The following GPSM1 variants were observed in gnomAD, a reference collection of about 807,000 sequenced individuals.
The protein encoded by GPSM1 is G protein signaling modulator 1.
Under a neutral mutation model 70.5 loss-of-function variants are expected in GPSM1, and 48 were observed. That is an observed-to-expected ratio of 0.68 (90% confidence interval 0.54 to 0.87). The LOEUF is 0.87. Among genes scored for constraint, GPSM1 ranks in the 40% least tolerant of loss-of-function variants. The pLI is 0.00. For missense variants in GPSM1, 981 were observed against 972.6 expected, an observed-to-expected ratio of 1.01 and a Z score of -0.11; for synonymous variants, 416 against 430.1, an observed-to-expected ratio of 0.97 and a Z score of 0.41.
intron 12 of GPSM1, 71 bp from the exon 13 acceptor site, chr9:136,356,271 T>C (rs1832819533): frequency 8.3e-7 from 1 of 1,198,490 alleles, no homozygotes; most frequent in African/African-American, 1.5e-5. Context: ...CAGAGCTCAC[T>C]GTGGCCGCAG....
At chr9:136,330,509 G>A (rs1479098040) in intron 1 of GPSM1, among the ~76,000 whole-genome samples, 3 of 152,194 alleles carry the variant, frequency 2.0e-5, no homozygotes, top group Non-Finnish European at 4.4e-5. Context: ...CCCCTCTCCA[G>A]TGATTCCAGC....
At chr9:136,339,195 T>C (rs1389549677) in intron 7 of GPSM1, among the ~76,000 whole-genome samples, 10 of 152,374 alleles carry the variant, frequency 6.6e-5, no homozygotes, top group Admixed American at 2.0e-4. Flanking sequence ...GAGAATGTTC[T>C]GGAATAGACA....
Position 136,352,269 on chromosome 9 carries a change from G to GCTGTTGGTGACACCGATGCTGCGCCGTTA in GPSM1, c.1455+2534_1455+2535insACTGTTGGTGACACCGATGCTGCGCCGTT, listed in dbSNP as rs1564355432. 3.1e-5 allele frequency among the ~76,000 whole-genome samples: 4 copies of GCTGTTGGTGACACCGATGCTGCGCCGTTA among 129,460 alleles called. 1 individual carries two copies. The highest frequency in any genetic ancestry group is 7.7e-5 in the Admixed American group (1 of 13,022). The allele number at this position is 129,460 out of a possible 152,430, so 84.9% of individuals were successfully genotyped here. A position where few individuals can be genotyped will look rare whatever the true frequency, so the allele number is the denominator to read the frequency against. ...TTGGTGACACCGATGCTGCGCCGTT[G>GCTGTTGGTGACACCGATGCTGCGCCGTTA]CTGTTGGTGACACCGATGCTGCGCC... is the stretch of plus-strand genomic sequence containing the variant. On this transcript the variant is annotated intron_variant, in intron 11 of 13. Coordinates refer to ENST00000440944, the MANE Select transcript of GPSM1 (RefSeq NM_001145638.3).
intron 3 of GPSM1, among the ~76,000 whole-genome samples, chr9:136,336,623 C>T (rs1356254961): frequency 6.6e-6 from 1 of 152,228 alleles, no homozygotes; most frequent in Non-Finnish European, 1.5e-5. Context: ...CTTGAGGCCG[C>T]AGCATCTGGT....
chr9:136,348,794 C>A, intron 10 of GPSM1, 27 bp downstream of exon 10: 1 of 1,563,504 alleles, frequency 6.4e-7, no homozygotes, highest in Non-Finnish European at 8.8e-7. Context: ...GGACCGATGT[C>A]AGCACAGCCG....
rs1489276962 is a variant in GPSM1, at chr9:136,327,638, G to T, written c.-58G>T. The T allele has an allele frequency of 4.5e-6, 2 of 446,656 alleles. No homozygotes were observed. The highest frequency in any genetic ancestry group is 9.6e-5 in the South Asian group (1 of 10,452). The allele number at this position is 446,656 out of a possible 1,614,324, so 27.7% of individuals were successfully genotyped here. A position where few individuals can be genotyped will look rare whatever the true frequency, so the allele number is the denominator to read the frequency against. ...CAGGGAGGACAGCAGGGCGGGCAGG[G>T]GGCGGACGGCCACGGCGCGGGGGGC... On this transcript the variant is annotated 5_prime_UTR_variant, in exon 1 of 14. Coordinates refer to ENST00000440944, the MANE Select transcript of GPSM1 (RefSeq NM_001145638.3).
intron 1 of GPSM1, among the ~76,000 whole-genome samples, chr9:136,330,922 G>A: frequency 6.6e-6 from 1 of 152,312 alleles, no homozygotes; most frequent in Middle Eastern, 3.4e-3. Flanking sequence ...CCTGAAGGTG[G>A]ACAAATGGTC....
chr9:136,334,225 G>A (rs141996916), intron 1 of GPSM1, among the ~76,000 whole-genome samples: 90 of 152,352 alleles, frequency 5.9e-4, no homozygotes, highest in Middle Eastern at 6.8e-3. Flanking sequence ...CGCACAAGGG[G>A]TGGACAGGAG....
At chr9:136,332,808 C>CTGGGG (rs1832133330) in intron 1 of GPSM1, among the ~76,000 whole-genome samples, 1 of 142,266 alleles carries the variant, frequency 7.0e-6, no homozygotes, top group Non-Finnish European at 1.5e-5. Context: ...TGAGACCAGC[C>CTGGGG]TGGGCAACAT....
At chr9:136,357,741 C>CA (rs1223563713) in intron 13 of GPSM1, among the ~76,000 whole-genome samples, 3 of 152,228 alleles carry the variant, frequency 2.0e-5, no homozygotes, top group Non-Finnish European at 4.4e-5. Flanking sequence ...CTGGCACACC[C>CA]ATGCCCAGTG....
Position 136,355,680 on chromosome 9 carries a change from C to A in GPSM1, c.1456-10C>A. On this transcript the variant is annotated splice_polypyrimidine_tract_variant and intron_variant, in intron 11 of 13. Coordinates refer to ENST00000440944, the MANE Select transcript of GPSM1 (RefSeq NM_001145638.3). ...TAGCTTTGGCTGCGGTGACCCCACT[C>A]CCTCCCCAGAGCATCCCGAGGGCCC... 6.2e-7 allele frequency: 1 copy of A among 1,610,720 alleles called. No homozygotes were observed. The highest frequency in any genetic ancestry group is 1.1e-5 in the South Asian group (1 of 90,876).
intron 11 of GPSM1, among the ~76,000 whole-genome samples, chr9:136,351,961 G>A (rs1162346947): frequency 6.6e-6 from 1 of 152,216 alleles, no homozygotes; most frequent in Non-Finnish European, 1.5e-5. Flanking sequence ...GTCAGTGGCC[G>A]GGTGGGCCCC....
At chr9:136,339,578 T>C (rs1832335051) in intron 7 of GPSM1, 129 bp from the exon 8 acceptor site, 1 of 640,784 alleles carries the variant, frequency 1.6e-6, no homozygotes, top group East Asian at 2.7e-5. Context: ...CCAATGCCCC[T>C]TGGGCCTGGG....
chr9:136,328,115 C>G (rs1554768152), intron 1 of GPSM1, among the ~76,000 whole-genome samples: 1 of 152,190 alleles, frequency 6.6e-6, no homozygotes, highest in Non-Finnish European at 1.5e-5. Flanking sequence ...GCATCATGGC[C>G]AAAGAGACCT....
intron 4 of GPSM1, 145 bp downstream of exon 4, chr9:136,337,217 C>T (rs1832263252): frequency 9.5e-7 from 1 of 1,052,004 alleles, no homozygotes; most frequent in Admixed American, 2.8e-5. Context: ...CCCCCGCTTT[C>T]TCAGCTGCTG....
rs527453326 is a variant in GPSM1, at chr9:136,356,572, G to A, written c.1821+22G>A. The A allele has an allele frequency of 2.6e-6, 4 of 1,565,648 alleles. No individual in the cohort carries two copies. In the Admixed American group the frequency reaches 6.9e-5, roughly 27 times the overall value. On this transcript the variant is annotated intron_variant, in intron 13 of 13. Transcript: ENST00000440944. ...CCAGGTGGGCTGCGGCCCTGGGCGG[G>A]CGTGGCTCGCGGCCCCTTTGCCATC...
In GPSM1 at chr9:136,336,903, C is replaced by A. The variant is rs782553553; in HGVS notation, c.427-18C>A. The stretch of plus-strand genomic sequence containing the variant: ...GGGGCCGTGGAGGCATGCCCCCAAC[C>A]CTCCGTACTGCCCACAGGTTGGGGA... On this transcript the variant is annotated intron_variant, in intron 3 of 13. Transcript: ENST00000440944. 35 of 1,549,518 alleles carry A rather than the reference C, an allele frequency of 2.3e-5. 1 individual carries two copies. The South Asian group carries it at 3.7e-4, about 16-fold the overall frequency.
rs1554770107 is a variant in GPSM1, at chr9:136,340,879, C to T, written c.1093C>T (p.Arg365Cys). Residue 365 changes from arginine to cysteine, a missense_variant, in exon 9 of 14, where the codon CGC (arginine) becomes TGC (cysteine). Physicochemically the swap from Arg to Cys is radical, Grantham distance 180 (BLOSUM62 -3). Coordinates refer to ENST00000440944, the MANE Select transcript of GPSM1 (RefSeq NM_001145638.3). The surrounding 1 kb of genome is among the most constrained non-coding windows in gnomAD (Gnocchi z 7.3). ...ACCCCACTCGCCGCAGATCGGGGAC[C>T]GCCATGGGGAGCTCACGGCCCGCAT... ...HLQISQEIGD[R>C]HGELTARMNV... 8.3e-6 allele frequency: 13 copies of T among 1,573,408 alleles called. No homozygotes were observed. Among genetic ancestry groups the T allele is most frequent in the East Asian group, 2.3e-5 (1 of 42,728 alleles).
chr9:136,333,951 C>A (rs551745759), intron 1 of GPSM1, among the ~76,000 whole-genome samples: 1 of 152,022 alleles, frequency 6.6e-6, no homozygotes, highest in South Asian at 2.1e-4. Context: ...CCACCCCACC[C>A]GACCCCCATG....
Sources: gnomAD v4.1 joint callset for allele counts (sites outside exome capture counted in the v4.1 genomes callset) on GRCh38, gnomAD v4.1.1 for gene constraint, Gnocchi (gnomAD v3.1) non-coding constraint, MANE v1.5 for transcripts, NCBI Gene and HGNC (gene_info 2026-07-23, HGNC 2026-07-21) for gene names.